The following POLA1 variants were observed in gnomAD, a reference collection of about 807,000 sequenced individuals.
POLA1 encodes the protein DNA polymerase alpha 1, catalytic subunit, also known as DNA polymerase alpha catalytic subunit.
A neutral mutation model predicts 124.0 loss-of-function variants in POLA1; 15 were observed. That is an observed-to-expected ratio of 0.12 (90% CI 0.08 to 0.19). POLA1 has a LOEUF of 0.19. Ranked by LOEUF, POLA1 falls within the 10% of genes least tolerant of loss-of-function variation. The pLI is 1.00. For missense variants in POLA1, 886 were observed against 1,103.4 expected (o/e 0.80, Z 2.79); for synonymous variants, 408 against 389.4 (o/e 1.05, Z -0.56).
At chrX:24,815,529 A>C (rs1307533022) in intron 30 of POLA1, among the ~76,000 whole-genome samples, 6 of 111,485 alleles carry the variant, frequency 5.4e-5, no homozygotes, top group Non-Finnish European at 1.1e-4. Flanking sequence ...TGTGTGTTTA[A>C]CTTCACAGAT....
At chrX:24,919,708 C>T (rs1429613383) in intron 35 of POLA1, among the ~76,000 whole-genome samples, 1 of 109,738 alleles carries the variant, frequency 9.1e-6, no homozygotes, top group Non-Finnish European at 1.9e-5. Context: ...TAAATGTGTG[C>T]CATGGTGGTT....
intron 26 of POLA1, among the ~76,000 whole-genome samples, chrX:24,797,086 G>T (rs750093081): frequency 9.0e-6 from 1 of 110,957 alleles, no homozygotes; most frequent in South Asian, 3.9e-4. Context: ...CCTGGACACT[G>T]CCCCCCTCAA....
At chrX:24,935,190 C>T (rs1214264426) in intron 36 of POLA1, among the ~76,000 whole-genome samples, 1 of 112,253 alleles carries the variant, frequency 8.9e-6, no homozygotes, top group African/African-American at 3.2e-5. Flanking sequence ...ATACAGTCCA[C>T]TCCAGATACA....
intron 36 of POLA1, among the ~76,000 whole-genome samples, chrX:24,970,652 C>T (rs2048291711): frequency 1.8e-5 from 2 of 111,843 alleles, no homozygotes; most frequent in Admixed American, 9.5e-5. Flanking sequence ...CATGAACAGA[C>T]ACTTCTCAAA....
intron 26 of POLA1, among the ~76,000 whole-genome samples, chrX:24,751,554 T>A (rs959844809): frequency 3.6e-5 from 4 of 111,901 alleles, no homozygotes; most frequent in African/African-American, 1.3e-4. Context: ...TAAGGATAAA[T>A]AAAACTCTGG....
intron 35 of POLA1, among the ~76,000 whole-genome samples, chrX:24,891,342 C>T (rs747261549): frequency 9.0e-6 from 1 of 111,483 alleles, no homozygotes; most frequent in Admixed American, 9.6e-5. Context: ...TACTCAGTTT[C>T]AGAGCAGGCT....
chrX:24,794,004 C>T (rs2148472839), intron 26 of POLA1, among the ~76,000 whole-genome samples: 1 of 110,170 alleles, frequency 9.1e-6, no homozygotes, highest in African/African-American at 3.3e-5. Context: ...GTCTCTCTCT[C>T]TCTCTATTGC....
In POLA1 at chrX:24,762,239, A is replaced by G. The variant is rs1272739309; in HGVS notation, c.2964+13247A>G. On this transcript the variant is annotated intron_variant, in intron 26 of 36. Transcript: ENST00000379068. ...AGGCTCCGAGTACCTAGCAAGTGTC[A>G]GGCATGCCACGTGGTGCTGCTGTTA... Among the ~76,000 whole-genome samples, 2 of 112,084 alleles carry G rather than the reference A, an allele frequency of 1.8e-5. 1 individual carries two copies. The highest frequency in any genetic ancestry group is 5.6e-4 in the East Asian group (2 of 3,582).
rs1042828601 is a variant in POLA1 at position 24,879,394 on chromosome X, A to G, written c.4048-8612A>G. 3.6e-5 allele frequency among the ~76,000 whole-genome samples: 4 copies of G among 111,971 alleles called. No individual in the cohort carries two copies. The Admixed American group carries it at 3.8e-4, about 11-fold the overall frequency. ...CCCCAAGTCACTTGTAGCTTCATAT[A>G]GGGGGAAAAAAGTATTTTCTGAAAA... On this transcript the variant is annotated intron_variant, in intron 34 of 36. Coordinates refer to ENST00000379068, the MANE Select transcript of POLA1 (RefSeq NM_001330360.2).
At chrX:24,795,559 T>G (rs181650405) in intron 26 of POLA1, among the ~76,000 whole-genome samples, 68 of 111,650 alleles carry the variant, frequency 6.1e-4, no homozygotes, top group Middle Eastern at 4.6e-3. Context: ...TTTATCTGGG[T>G]ACAGACATGC....
chrX:24,863,423 G>A (rs746028455), intron 34 of POLA1, among the ~76,000 whole-genome samples: 7 of 111,768 alleles, frequency 6.3e-5, no homozygotes, highest in Admixed American at 5.7e-4. Context: ...ATGAATGTTG[G>A]AAAAAGAATA....
At chrX:24,865,627 C>T (rs2046783437) in intron 34 of POLA1, among the ~76,000 whole-genome samples, 1 of 111,416 alleles carries the variant, frequency 9.0e-6, no homozygotes, top group African/African-American at 3.3e-5. Context: ...CATATAAAAA[C>T]TACGGAATGG....
At chrX:24,932,616 G>A (rs1041322048) in intron 36 of POLA1, among the ~76,000 whole-genome samples, 1 of 111,309 alleles carries the variant, frequency 9.0e-6, no homozygotes, top group Non-Finnish European at 1.9e-5. Context: ...CCAGCAATTC[G>A]GGGCAAAAAT....
At chrX:24,839,783 A>C (rs1276720903) in intron 32 of POLA1, among the ~76,000 whole-genome samples, 1 of 112,373 alleles carries the variant, frequency 8.9e-6, no homozygotes, top group Non-Finnish European at 1.9e-5. Flanking sequence ...ATTAATAGTC[A>C]TAGGGTCAGA....
intron 4 of POLA1, among the ~76,000 whole-genome samples, chrX:24,708,953 T>C (rs1449335325): frequency 3.0e-5 from 2 of 66,768 alleles, no homozygotes; most frequent in African/African-American, 1.0e-4. Flanking sequence ...CACTTCCCAG[T>C]AGGGGCGGCC....
chrX:24,809,828 ATC>A (rs1249296435), intron 26 of POLA1, 68 bp from the exon 27 acceptor site: 9 of 624,257 alleles, frequency 1.4e-5, no homozygotes, highest in Non-Finnish European at 1.7e-5. Context: ...AAAGTTACCT[ATC>A]TCTATGTGCT....
At position 24,737,657 on chromosome X, in the gene POLA1, A is replaced by T; in HGVS notation, c.1956A>T (p.Val652=). ...GHNIYGFELE[V]LLQRINVCKA... ...ATATTTATGGGTTTGAACTGGAAGT[A>T]CTACTGCAGAGAATTAATGTGTGCA... The change falls in exon 19 of 37, where the codon GTA becomes GTT. Residue 652 remains valine (V), a synonymous_variant. Coordinates refer to ENST00000379068, the MANE Select transcript of POLA1 (RefSeq NM_001330360.2). 9 of 1,164,903 alleles carry T rather than the reference A, an allele frequency of 7.7e-6. No homozygotes were observed. The highest frequency in any genetic ancestry group is 9.4e-6 in the Non-Finnish European group (8 of 854,155).
At chrX:24,815,212 C>T in intron 30 of POLA1, 101 bp downstream of exon 30, 3 of 789,496 alleles carry the variant, frequency 3.8e-6, no homozygotes, top group Non-Finnish European at 5.4e-6. Context: ...GAAATAAATT[C>T]TAGCTGGTGA....
At chrX:24,718,113 C>T (rs1277744316) in intron 10 of POLA1, among the ~76,000 whole-genome samples, 2 of 111,685 alleles carry the variant, frequency 1.8e-5, no homozygotes, top group African/African-American at 6.5e-5. Flanking sequence ...TCTGAAGTTA[C>T]AGGAATGCAC....
Sources: allele counts gnomAD v4.1 joint callset (sites outside exome capture counted in the v4.1 genomes callset), GRCh38; gene constraint gnomAD v4.1.1; transcripts MANE v1.5; gene names NCBI Gene and HGNC (gene_info 2026-07-23, HGNC 2026-07-21).